The following GPBP1L1 variants were observed in gnomAD, a reference collection of about 807,000 sequenced individuals.
GPBP1L1 encodes GC-rich promoter binding protein 1 like 1.
GPBP1L1 carries 23 observed loss-of-function variants against 52.5 expected under a neutral mutation model. That is an observed-to-expected ratio of 0.44 (90% CI 0.32 to 0.62). GPBP1L1 has a LOEUF of 0.62. Ranked by LOEUF, GPBP1L1 falls within the 20% of genes least tolerant of loss-of-function variation. GPBP1L1 has a pLI of 0.06. For synonymous variants in GPBP1L1, 243 were observed against 203.1 expected (o/e 1.20, Z -1.67); for missense variants, 596 against 579.3 (o/e 1.03, Z -0.30).
At position 45,671,812 on chromosome 1, in the gene GPBP1L1, G is replaced by A. The variant is rs866211194; in HGVS notation, c.-1097-10587C>T. Among the ~76,000 whole-genome samples, 16 of 151,878 alleles carry A rather than the reference G, an allele frequency of 1.1e-4. No homozygotes were observed. In the South Asian group the frequency reaches 1.7e-3, roughly 16 times the overall value. On this transcript the variant is annotated intron_variant, in intron 2 of 12. Transcript: ENST00000355105. The stretch of plus-strand genomic sequence containing the variant: ...GCACTCCAGGCCTGGGTGACAGAGC[G>A]AGACTCTGTCTCTAATAATAATAAA...
chr1:45,684,319 T>C (rs190944213), intron 2 of GPBP1L1, among the ~76,000 whole-genome samples: 37 of 125,460 alleles, frequency 2.9e-4, no homozygotes, highest in Admixed American at 9.7e-4. Context: ...AAGTAACAAA[T>C]ACAAAGCACT....
In GPBP1L1 at chr1:45,659,083, G is replaced by C; in HGVS notation, c.5C>G (p.Ala2Gly). The C allele has an allele frequency of 6.2e-7, 1 of 1,614,028 alleles. No individual in the cohort carries two copies. Among genetic ancestry groups the C allele is most frequent in the Non-Finnish European group, 8.5e-7 (1 of 1,179,916 alleles). MAQHDFVPAWLN... is the reference protein window; with the variant it reads MGQHDFVPAWLN... ...CCAAGCAGGAACAAAATCATGCTGCGCCATTTAGGTCCAGTGTCTCCTTTC... is the reference window on the plus strand; with the variant it reads ...CCAAGCAGGAACAAAATCATGCTGCCCCATTTAGGTCCAGTGTCTCCTTTC... Residue 2 changes from alanine (A) to glycine (G), a missense_variant, in exon 4 of 13, where the codon GCG becomes GGG. By Grantham distance (60) the Ala-to-Gly change is moderately conservative (BLOSUM62 0). Transcript: ENST00000355105.
chr1:45,657,814 C>T (rs1380847651), intron 4 of GPBP1L1, among the ~76,000 whole-genome samples: 1 of 152,164 alleles, frequency 6.6e-6, no homozygotes, highest in Non-Finnish European at 1.5e-5. Flanking sequence ...GACCATGCCA[C>T]TGTACTCCAG....
In GPBP1L1 at chr1:45,637,842, T is replaced by G. The variant is rs1644615919; in HGVS notation, c.744+2368A>C. 2.0e-5 allele frequency among the ~76,000 whole-genome samples: 3 copies of G among 152,196 alleles called. 1 individual carries two copies. The highest frequency in any genetic ancestry group is 6.8e-3 in the Middle Eastern group (2 of 294). On this transcript the variant is annotated intron_variant, in intron 8 of 12. Coordinates refer to ENST00000355105, the MANE Select transcript of GPBP1L1 (RefSeq NM_021639.5). ...TTTATTGGCACTTATTATATGCCAG[T>G]TTTAGGTATTTCATAAAATTTTCTC...
intron 2 of GPBP1L1, among the ~76,000 whole-genome samples, chr1:45,662,897 G>A (rs1159179631): frequency 6.6e-6 from 1 of 151,678 alleles, no homozygotes; most frequent in Non-Finnish European, 1.5e-5. Context: ...CTAAGAATAC[G>A]AAAATTAGCC....
chr1:45,663,109 C>G (rs757879091), intron 2 of GPBP1L1, among the ~76,000 whole-genome samples: 2 of 148,798 alleles, frequency 1.3e-5, no homozygotes, highest in African/African-American at 2.5e-5. Flanking sequence ...ACACCTGTAA[C>G]TCTCAGTAAT....
chr1:45,628,348 A>G lies in GPBP1L1; in HGVS notation c.1333T>C (p.Ser445Pro). Residue 445 changes from serine (S) to proline (P), a missense_variant, in exon 13 of 13, where the codon TCC (serine) becomes CCC (proline). By Grantham distance (74) the Ser-to-Pro change is moderately conservative (BLOSUM62 -1). Transcript: ENST00000355105. ...GCTTTGCAAGTGCTTCTCCAAGGGG[A>G]GAACAGACTGGAACTGCGGCTCTGC... ...FLQSRSSSLF[S>P]PWRSTCKAEF... The G allele has an allele frequency of 1.9e-6, 3 of 1,614,110 alleles. No homozygotes were observed. Among genetic ancestry groups the G allele is most frequent in the Non-Finnish European group, 2.5e-6 (3 of 1,180,006 alleles).
intron 2 of GPBP1L1, among the ~76,000 whole-genome samples, chr1:45,667,234 CAATGTT>C (rs1645021602): frequency 2.0e-5 from 3 of 152,074 alleles, no homozygotes; most frequent in Non-Finnish European, 2.9e-5. Context: ...ATAAAGCAGT[CAATGTT>C]AATATTAAAT....
At chr1:45,651,725 CT>C in intron 6 of GPBP1L1, 3 of 434,678 alleles carry the variant, frequency 6.9e-6, no homozygotes, top group Non-Finnish European at 1.2e-5. Flanking sequence ...ATTCTTAGGC[CT>C]TTTCTTAAAT....
chr1:45,642,472 G>A lies in GPBP1L1; in HGVS notation c.505C>T (p.Gln169Ter). The A allele has an allele frequency of 6.2e-7, 1 of 1,613,962 alleles. No individual in the cohort carries two copies. Among genetic ancestry groups the A allele is most frequent in the Non-Finnish European group, 8.5e-7 (1 of 1,179,880 alleles). The change falls in exon 7 of 13, where the codon CAG (glutamine) becomes TAG (stop). Residue 169 changes from glutamine to a stop codon, truncating the protein, a stop_gained. Transcript: ENST00000355105. LOFTEE classifies it high-confidence loss of function. ...FPSLNPEAGKQHQPCRPIGTP... is the reference protein window; with the variant it reads ...FPSLNPEAGK ...CCAATAGGTCTGCATGGCTGATGCTGTTTGCCAGCTTCTGGATTCAAGGAA... is the reference window on the plus strand; with the variant it reads ...CCAATAGGTCTGCATGGCTGATGCTATTTGCCAGCTTCTGGATTCAAGGAA...
At position 45,633,536 on chromosome 1, in the gene GPBP1L1, G is replaced by C; in HGVS notation, c.997C>G (p.Arg333Gly). 1.2e-6 allele frequency: 2 copies of C among 1,613,844 alleles called. No individual in the cohort carries two copies. The highest frequency in any genetic ancestry group is 2.2e-5 in the South Asian group (2 of 91,046). ...CTATTCTCTGAGAAGTCTCCATTCCGGTCATCCTTCAGAGTTTTCAGGAAC... is the reference window on the plus strand; with the variant it reads ...CTATTCTCTGAGAAGTCTCCATTCCCGTCATCCTTCAGAGTTTTCAGGAAC... ...SEFLKTLKDD[R>G]NGDFSENRDC... The change falls in exon 10 of 13, where the codon CGG becomes GGG. Residue 333 changes from arginine to glycine, a missense_variant. By Grantham distance (125) the Arg-to-Gly change is moderately radical (BLOSUM62 -2). Transcript: ENST00000355105.
intron 6 of GPBP1L1, among the ~76,000 whole-genome samples, chr1:45,649,223 C>T (rs1427564879): frequency 2.0e-5 from 3 of 152,122 alleles, no homozygotes; most frequent in Non-Finnish European, 2.9e-5. Context: ...GGACTTGATG[C>T]CACTTACCCT....
chr1:45,648,439 G>A (rs1039147767), intron 6 of GPBP1L1, among the ~76,000 whole-genome samples: 47 of 152,100 alleles, frequency 3.1e-4, no homozygotes, highest in Admixed American at 2.6e-3. Context: ...ATTCCATTAC[G>A]GAAAACTACT....
chr1:45,655,389 T>C, intron 4 of GPBP1L1, 70 bp from the exon 5 acceptor site: 1 of 1,523,684 alleles, frequency 6.6e-7, no homozygotes, highest in Non-Finnish European at 9.0e-7. Flanking sequence ...CTTAATAGGC[T>C]TTGCATCAGG....
At position 45,657,276 on chromosome 1, in the gene GPBP1L1, G is replaced by A. The variant is rs139850659; in HGVS notation, c.60+1752C>T. Among the ~76,000 whole-genome samples, 16 of 152,250 alleles carry A rather than the reference G, an allele frequency of 1.1e-4. No homozygotes were observed. The East Asian group carries it at 3.1e-3, about 29-fold the overall frequency. On this transcript the variant is annotated intron_variant, in intron 4 of 12. Coordinates refer to ENST00000355105, the MANE Select transcript of GPBP1L1 (RefSeq NM_021639.5). ...GAGCCGGGTGTGGTGGTTCATTGCT[G>A]TAATCCCAGCACTTTGGGAGACTGA...
At chr1:45,631,424 G>A (rs1012533574) in intron 10 of GPBP1L1, among the ~76,000 whole-genome samples, 14 of 151,934 alleles carry the variant, frequency 9.2e-5, no homozygotes, top group Admixed American at 7.2e-4. Context: ...TACCATGCCC[G>A]GCTAATTTTT....
intron 6 of GPBP1L1, chr1:45,645,768 GT>G (rs200618825): frequency 0.055 from 11,431 of 206,610 alleles, 227 homozygotes; most frequent in African/African-American, 0.14. Flanking sequence ...GAAGTTTTTT[GT>G]TTTTTTTTTT....
Position 45,660,359 on chromosome 1 carries a change from A to G in GPBP1L1, c.-231T>C. 1 of 984,974 alleles carries G rather than the reference A, an allele frequency of 1.0e-6. No individual in the cohort carries two copies. The highest frequency in any genetic ancestry group is 1.2e-6 in the Non-Finnish European group (1 of 829,740). The allele number at this position is 984,974 out of a possible 1,614,324, so 61.0% of individuals were successfully genotyped here. A position where few individuals can be genotyped will look rare whatever the true frequency, so the allele number is the denominator to read the frequency against. On this transcript the variant is annotated 5_prime_UTR_variant, in exon 3 of 13. It removes an upstream start codon present in the reference 5' UTR. Coordinates refer to ENST00000355105, the MANE Select transcript of GPBP1L1 (RefSeq NM_021639.5). ...ACTCTCTCAGTCCCCTCAACTGCTC[A>G]TCTTAAACTATTTGGTTCCTGACAC...
chr1:45,645,880 A>T, intron 6 of GPBP1L1: 1 of 507,086 alleles, frequency 2.0e-6, no homozygotes, highest in Non-Finnish European at 3.8e-6. Flanking sequence ...ATGGTCCATG[A>T]TACCAGCTAA....
Sources: gnomAD v4.1 joint callset for allele counts (sites outside exome capture counted in the v4.1 genomes callset) on GRCh38, gnomAD v4.1.1 for gene constraint, MANE v1.5 for transcripts, NCBI Gene and HGNC (gene_info 2026-07-23, HGNC 2026-07-21) for gene names.